SYNDIG1: variants seen among roughly 807,000 people sequenced by gnomAD.
SYNDIG1 encodes the protein synapse differentiation-inducing gene protein 1.
SYNDIG1 carries 9 observed loss-of-function variants against 19.4 expected under a neutral mutation model. That is an observed-to-expected ratio of 0.46 (90% CI 0.28 to 0.81). The LOEUF (loss-of-function observed/expected upper bound fraction) is 0.81, where lower values mean the gene tolerates loss of function less well. Ranked by LOEUF, SYNDIG1 falls within the 30% of genes least tolerant of loss-of-function variation. The pLI, the probability that SYNDIG1 is intolerant of heterozygous loss-of-function variation, is 0.12. For synonymous variants in SYNDIG1, 141 were observed against 145.9 expected, an observed-to-expected ratio of 0.97 and a Z score of 0.24; for missense variants, 311 against 343.3, an observed-to-expected ratio of 0.91 and a Z score of 0.74.
Position 24,573,901 on chromosome 20 carries a change from G to A in SYNDIG1, c.481-10955G>A, listed in dbSNP as rs114821657. On this transcript the variant is annotated intron_variant, in intron 2 of 3. Transcript: ENST00000376862. ...CCCCTTACCCCACACCTTCTCAGGT[G>A]TTACCCTTGCCTGAGACACCCCTGG... 2.4e-3 allele frequency among the ~76,000 whole-genome samples: 363 copies of A among 152,312 alleles called. 2 individuals are homozygous for A. Among genetic ancestry groups the A allele is most frequent in the African/African-American group, 8.4e-3 (349 of 41,584 alleles).
At position 24,499,404 on chromosome 20, in the gene SYNDIG1, CT is replaced by C. The variant is rs541603203; in HGVS notation, c.-79+29652del. On this transcript the variant is annotated intron_variant, in intron 1 of 3. Transcript: ENST00000376862. Reference sequence around the variant, plus strand: ...GGAATAGGACATGAGGTTTTATGTTCTCATTCTCAGGCCCAGTGGCACAGTT... The same window carrying C: ...GGAATAGGACATGAGGTTTTATGTTCCATTCTCAGGCCCAGTGGCACAGTT... Among the ~76,000 whole-genome samples the C allele has an allele frequency of 2.4e-4, 36 of 152,270 alleles. 1 individual carries two copies. In the South Asian group the frequency reaches 6.2e-3, roughly 26 times the overall value.
At chr20:24,577,852 A>G (rs1211679313) in intron 2 of SYNDIG1, among the ~76,000 whole-genome samples, 1 of 152,218 alleles carries the variant, frequency 6.6e-6, no homozygotes, top group Non-Finnish European at 1.5e-5. Context: ...ATAGGAAGGC[A>G]TTTCAGAGGG....
At chr20:24,559,378 A>G (rs1281623015) in intron 2 of SYNDIG1, among the ~76,000 whole-genome samples, 1 of 152,226 alleles carries the variant, frequency 6.6e-6, no homozygotes, top group Non-Finnish European at 1.5e-5. Context: ...TATTCTAAAA[A>G]GCCATGACCT....
intron 2 of SYNDIG1, among the ~76,000 whole-genome samples, chr20:24,554,492 T>G (rs2057770432): frequency 6.6e-6 from 1 of 152,214 alleles, no homozygotes; most frequent in Non-Finnish European, 1.5e-5. Flanking sequence ...AATACCTAAT[T>G]TATTGAGTGT....
rs2059644551 is a variant in SYNDIG1 at position 24,666,058 on chromosome 20, C to T, written c.*554C>T. 6.5e-6 allele frequency: 1 copy of T among 153,048 alleles called. No individual in the cohort carries two copies. 9.5% of individuals were successfully genotyped at this position (153,048 alleles called of 1,614,324 possible). ...TGCACTGCTCTGCAGACCCATTGGC[C>T]TGACCCTGAGAAGCAGAGCCAGCAA... On this transcript the variant is annotated 3_prime_UTR_variant, in exon 4 of 4. Coordinates refer to ENST00000376862, the MANE Select transcript of SYNDIG1 (RefSeq NM_024893.3).
chr20:24,555,769 A>G (rs1419496181), intron 2 of SYNDIG1, among the ~76,000 whole-genome samples: 2 of 152,160 alleles, frequency 1.3e-5, no homozygotes, highest in Non-Finnish European at 2.9e-5. Flanking sequence ...TGCTGAAAAA[A>G]ATGTATATTC....
intron 1 of SYNDIG1, among the ~76,000 whole-genome samples, chr20:24,486,747 C>T (rs1600404272): frequency 2.0e-5 from 3 of 152,208 alleles, no homozygotes; most frequent in Admixed American, 2.0e-4. Context: ...AAACCTCCAC[C>T]TCCCGGGTTC....
chr20:24,645,194 G>T (rs1390522893), intron 3 of SYNDIG1, among the ~76,000 whole-genome samples: 1 of 152,210 alleles, frequency 6.6e-6, no homozygotes, highest in Non-Finnish European at 1.5e-5. Context: ...TGGTGGTGAA[G>T]TGAGCCTCCT....
intron 1 of SYNDIG1, among the ~76,000 whole-genome samples, chr20:24,501,872 G>T (rs1905088400): frequency 1.3e-5 from 2 of 152,212 alleles, no homozygotes; most frequent in African/African-American, 4.8e-5. Flanking sequence ...ACTCACCTCT[G>T]CAGGCCCCGA....
At chr20:24,599,618 G>A (rs2058648167) in intron 3 of SYNDIG1, among the ~76,000 whole-genome samples, 1 of 152,184 alleles carries the variant, frequency 6.6e-6, no homozygotes, top group Non-Finnish European at 1.5e-5. Flanking sequence ...TAAAGAAAAT[G>A]TGGTATAGAT....
intron 2 of SYNDIG1, among the ~76,000 whole-genome samples, chr20:24,563,078 C>G (rs925439008): frequency 6.6e-6 from 1 of 152,160 alleles, no homozygotes; most frequent in African/African-American, 2.4e-5. Context: ...TGAAGGCCCT[C>G]TTGTCTCAAG....
At chr20:24,622,482 C>T (rs2147239878) in intron 3 of SYNDIG1, among the ~76,000 whole-genome samples, 1 of 152,322 alleles carries the variant, frequency 6.6e-6, no homozygotes, top group South Asian at 2.1e-4. Context: ...AGGTGAGTGG[C>T]TGGTGAGCAA....
rs1368887954 is a variant in SYNDIG1, at chr20:24,529,223, T to C, written c.-78-13797T>C. 3.3e-5 allele frequency among the ~76,000 whole-genome samples: 5 copies of C among 152,098 alleles called. No individual in the cohort carries two copies. In the East Asian group the frequency reaches 9.6e-4, roughly 29 times the overall value. ...GCATCTCTAAACCATGGACTGTGTG[T>C]GTGGGAGGACATCACTGTTGATGGT... On this transcript the variant is annotated intron_variant, in intron 1 of 3. Coordinates refer to ENST00000376862, the MANE Select transcript of SYNDIG1 (RefSeq NM_024893.3).
chr20:24,497,760 T>A (rs1316018820), intron 1 of SYNDIG1, among the ~76,000 whole-genome samples: 1 of 152,192 alleles, frequency 6.6e-6, no homozygotes, highest in Admixed American at 6.5e-5. Flanking sequence ...CAGGAGCTAG[T>A]GAAGAATGTC....
intron 1 of SYNDIG1, among the ~76,000 whole-genome samples, chr20:24,541,088 G>A (rs572861038): frequency 2.0e-5 from 3 of 152,168 alleles, no homozygotes; most frequent in Non-Finnish European, 4.4e-5. Context: ...AGAGCTGAAA[G>A]GGACCTGAAA....
intron 1 of SYNDIG1, among the ~76,000 whole-genome samples, chr20:24,507,727 T>G (rs992554213): frequency 6.6e-6 from 1 of 152,198 alleles, no homozygotes; most frequent in African/African-American, 2.4e-5. Context: ...GCATCTGAGC[T>G]AGGCCGAGGC....
intron 1 of SYNDIG1, among the ~76,000 whole-genome samples, chr20:24,539,238 T>A (rs949593158): frequency 2.6e-5 from 4 of 152,192 alleles, no homozygotes; most frequent in Admixed American, 6.5e-5. Flanking sequence ...GATTTTACAT[T>A]TAGGTGATTG....
chr20:24,505,779 T>C (rs1469475295), intron 1 of SYNDIG1, among the ~76,000 whole-genome samples: 1 of 152,156 alleles, frequency 6.6e-6, no homozygotes, highest in African/African-American at 2.4e-5. Flanking sequence ...ATATAGAAAG[T>C]GGGATGCTAG....
intron 3 of SYNDIG1, among the ~76,000 whole-genome samples, chr20:24,646,511 A>T (rs1330228291): frequency 6.6e-6 from 1 of 152,084 alleles, no homozygotes; most frequent in African/African-American, 2.4e-5. Context: ...GGCACACCCC[A>T]CTTCCTCTCT....
Sources: allele counts gnomAD v4.1 joint callset (sites outside exome capture counted in the v4.1 genomes callset), GRCh38; gene constraint gnomAD v4.1.1; transcripts MANE v1.5; gene names NCBI Gene and HGNC (gene_info 2026-07-23, HGNC 2026-07-21).